ETV6: variants seen among roughly 807,000 people sequenced by gnomAD.
ETV6 encodes the protein ETS variant transcription factor 6.
ETV6 carries 16 observed loss-of-function variants against 51.1 expected under a neutral mutation model. The ratio of observed to expected loss-of-function variants is 0.31; its 90% confidence interval spans 0.21 to 0.48. The LOEUF (loss-of-function observed/expected upper bound fraction) is 0.48, where lower values mean the gene tolerates loss of function less well. Among genes scored for constraint, ETV6 ranks in the 20% least tolerant of loss-of-function variants. ETV6 has a pLI of 0.99. For missense variants in ETV6, 458 were observed against 594.8 expected (o/e 0.77, Z 2.39); for synonymous variants, 240 against 224.1 (o/e 1.07, Z -0.64).
At chr12:11,690,291 A>G (rs902853819) in intron 1 of ETV6, among the ~76,000 whole-genome samples, 55 of 151,872 alleles carry the variant, frequency 3.6e-4, no homozygotes, top group Non-Finnish European at 6.3e-4. Context: ...TCCTTACAAG[A>G]CACCTGTCTG....
intron 1 of ETV6, among the ~76,000 whole-genome samples, chr12:11,654,354 G>C (rs763052717): frequency 6.6e-6 from 1 of 152,124 alleles, no homozygotes; most frequent in African/African-American, 2.4e-5. Flanking sequence ...TTTACAGGGA[G>C]GGGATCCAGA....
intron 2 of ETV6, among the ~76,000 whole-genome samples, chr12:11,787,680 A>G (rs1442085306): frequency 1.3e-5 from 2 of 152,188 alleles, no homozygotes; most frequent in East Asian, 3.8e-4. Context: ...TAGCCAAGTT[A>G]GGAGTAGGCC....
chr12:11,800,316 C>T (rs1046942903), intron 2 of ETV6, among the ~76,000 whole-genome samples: 1 of 152,154 alleles, frequency 6.6e-6, no homozygotes, highest in Non-Finnish European at 1.5e-5. Flanking sequence ...TTATGGTATA[C>T]ATACATAAAA....
At chr12:11,792,847 T>C (rs545404595) in intron 2 of ETV6, among the ~76,000 whole-genome samples, 1 of 152,314 alleles carries the variant, frequency 6.6e-6, no homozygotes, top group African/African-American at 2.4e-5. Context: ...TTTCCATGTA[T>C]GCAACCCAGA....
chr12:11,853,946 A>C (rs1256001247), intron 4 of ETV6, among the ~76,000 whole-genome samples: 1 of 152,204 alleles, frequency 6.6e-6, no homozygotes, highest in African/African-American at 2.4e-5. Flanking sequence ...TTTTCCACCA[A>C]CAGTGGAGGT....
chr12:11,798,836 G>T (rs1945711047), intron 2 of ETV6, among the ~76,000 whole-genome samples: 2 of 152,140 alleles, frequency 1.3e-5, no homozygotes, highest in South Asian at 4.1e-4. Context: ...CATTTTGCTA[G>T]TATTTGTTTT....
intron 2 of ETV6, among the ~76,000 whole-genome samples, chr12:11,820,727 C>A (rs1333603708): frequency 6.6e-6 from 1 of 152,002 alleles, no homozygotes; most frequent in African/African-American, 2.4e-5. Flanking sequence ...CAGGTCAGGT[C>A]ATATAGGGCC....
intron 2 of ETV6, among the ~76,000 whole-genome samples, chr12:11,757,858 G>C (rs570964711): frequency 6.6e-6 from 1 of 152,318 alleles, no homozygotes; most frequent in South Asian, 2.1e-4. Context: ...TAGGATGAGG[G>C]AGAGGAATCA....
chr12:11,698,124 T>A (rs1340249146), intron 1 of ETV6, among the ~76,000 whole-genome samples: 1 of 152,232 alleles, frequency 6.6e-6, no homozygotes, highest in African/African-American at 2.4e-5. Context: ...CTTCTAAGTA[T>A]CTGTCCTTAG....
At chr12:11,714,997 A>G (rs1200372087) in intron 1 of ETV6, among the ~76,000 whole-genome samples, 1 of 152,190 alleles carries the variant, frequency 6.6e-6, no homozygotes, top group African/African-American at 2.4e-5. Context: ...ATTAAAGATG[A>G]TACCCACGTT....
At chr12:11,863,824 G>A (rs1946752481) in intron 4 of ETV6, among the ~76,000 whole-genome samples, 1 of 152,174 alleles carries the variant, frequency 6.6e-6, no homozygotes, top group South Asian at 2.1e-4. Context: ...GAATGTCATA[G>A]CCTACTCCAT....
intron 1 of ETV6, among the ~76,000 whole-genome samples, chr12:11,737,392 T>C (rs1865724685): frequency 6.6e-6 from 1 of 152,182 alleles, no homozygotes; most frequent in African/African-American, 2.4e-5. Context: ...CTAAAAAGTG[T>C]TTATTAACAG....
rs1044934908 is a variant in ETV6, at chr12:11,853,336, C to T, written c.329-91C>T. ...AGGTGCGCTCCAATTGTATCTTTGG[C>T]ACCGTGCCAGGCACTTAGCTGCTGC... is the stretch of plus-strand genomic sequence containing the variant. On this transcript the variant is annotated intron_variant, in intron 3 of 7. Transcript: ENST00000396373. 2.7e-6 allele frequency: 4 copies of T among 1,486,472 alleles called. No individual in the cohort carries two copies. The African/African-American group carries it at 4.1e-5, about 15-fold the overall frequency. The allele number at this position is 1,486,472 out of a possible 1,614,324, so 92.1% of individuals were successfully genotyped here.
chr12:11,820,072 A>G (rs1946054525), intron 2 of ETV6, among the ~76,000 whole-genome samples: 1 of 152,222 alleles, frequency 6.6e-6, no homozygotes. Flanking sequence ...ACATATGTCA[A>G]CATACTTAAT....
At chr12:11,683,882 A>G (rs770615715) in intron 1 of ETV6, among the ~76,000 whole-genome samples, 5 of 151,102 alleles carry the variant, frequency 3.3e-5, no homozygotes, top group African/African-American at 7.3e-5. Context: ...TTGCCTCCCA[A>G]ACTTTTCTGT....
intron 3 of ETV6, among the ~76,000 whole-genome samples, chr12:11,839,710 A>T (rs2071162): frequency 0.38 from 58,011 of 151,774 alleles, 11,470 homozygotes; most frequent in East Asian, 0.66. Context: ...CAAAACCTCA[A>T]CTCTACAGAA....
chr12:11,785,305 T>G (rs568159050), intron 2 of ETV6, among the ~76,000 whole-genome samples: 2 of 152,326 alleles, frequency 1.3e-5, no homozygotes, highest in East Asian at 3.9e-4. Context: ...GCGTCCCTCC[T>G]TCAGAGATAT....
chr12:11,854,637 A>G (rs1946604618), intron 4 of ETV6, among the ~76,000 whole-genome samples: 1 of 152,222 alleles, frequency 6.6e-6, no homozygotes, highest in Non-Finnish European at 1.5e-5. Flanking sequence ...CTTCACAATG[A>G]TCAGCATTTT....
intron 2 of ETV6, among the ~76,000 whole-genome samples, chr12:11,781,251 G>A (rs766937099): frequency 2.0e-5 from 3 of 152,168 alleles, no homozygotes; most frequent in African/African-American, 7.2e-5. Context: ...TCCACGTCAC[G>A]ACTGTCTCTT....
Sources: allele counts gnomAD v4.1 joint callset (sites outside exome capture counted in the v4.1 genomes callset), GRCh38; gene constraint gnomAD v4.1.1; transcripts MANE v1.5; gene names NCBI Gene and HGNC (gene_info 2026-07-23, HGNC 2026-07-21).